The following TUSC3 variants were observed in gnomAD, a reference collection of about 807,000 sequenced individuals.
TUSC3 encodes the protein dolichyl-diphosphooligosaccharide--protein glycosyltransferase subunit TUSC3.
In TUSC3, 45 loss-of-function variants were observed where a neutral mutation model predicts 44.8. The observed-to-expected ratio is 1.00, with a 90% confidence interval of 0.79 to 1.29. The LOEUF (loss-of-function observed/expected upper bound fraction) is 1.29. Among genes scored for constraint, TUSC3 ranks in the 50% most tolerant of loss-of-function variants. TUSC3 has a pLI of 0.00. For synonymous variants in TUSC3, 212 were observed against 152.9 expected (o/e 1.39, Z -2.85); for missense variants, 519 against 437.9 (o/e 1.19, Z -1.65).
At chr8:15,671,856 A>G (rs113576295) in intron 5 of TUSC3, among the ~76,000 whole-genome samples, 9 of 152,018 alleles carry the variant, frequency 5.9e-5, no homozygotes, top group African/African-American at 2.2e-4. Context: ...TTTTTATGTC[A>G]GGGGACATGT....
At chr8:15,808,376 C>G in the TUSC3 span, among the ~76,000 whole-genome samples, 1 of 152,022 alleles carries the variant, frequency 6.6e-6, no homozygotes, top group African/African-American at 2.4e-5. Context: ...TAAAATGATA[C>G]ATTTACTTAT....
At chr8:15,727,671 C>T (rs1388619200) in intron 6 of TUSC3, among the ~76,000 whole-genome samples, 1 of 152,126 alleles carries the variant, frequency 6.6e-6, no homozygotes, top group Non-Finnish European at 1.5e-5. Flanking sequence ...ACTAAGTTCA[C>T]TTGTGAAAAG....
At chr8:15,528,524 C>G (rs1236424346) in intron 2 of TUSC3, among the ~76,000 whole-genome samples, 1 of 152,174 alleles carries the variant, frequency 6.6e-6, no homozygotes, top group Non-Finnish European at 1.5e-5. Context: ...GTGAAGTATT[C>G]TGCAGCAAAC....
chr8:15,556,435 G>A (rs997957609), intron 1 of TUSC3, among the ~76,000 whole-genome samples: 1 of 151,330 alleles, frequency 6.6e-6, no homozygotes, highest in African/African-American at 2.4e-5. Context: ...CCAAGTCTTT[G>A]CTGTTGTGAA....
upstream of TUSC3, among the ~76,000 whole-genome samples, chr8:15,537,916 T>C (rs1177009111): frequency 2.0e-5 from 3 of 152,358 alleles, no homozygotes; most frequent in Non-Finnish European, 2.9e-5. Context: ...GCTATTTTTA[T>C]GTCTCAAGGA....
At chr8:15,658,693 C>G (rs1349652812) in intron 3 of TUSC3, among the ~76,000 whole-genome samples, 1 of 150,760 alleles carries the variant, frequency 6.6e-6, no homozygotes, top group South Asian at 2.1e-4. Flanking sequence ...AATATATATA[C>G]ACATACAATA....
intron 1 of TUSC3, among the ~76,000 whole-genome samples, chr8:15,584,085 A>AT (rs1435463347): frequency 7.2e-5 from 11 of 152,212 alleles, no homozygotes; most frequent in Non-Finnish European, 1.3e-4. Flanking sequence ...CTGTTTTAAT[A>AT]TTTCTGTGGG....
chr8:15,419,440 G>T (rs559745304), intron 1 of TUSC3, among the ~76,000 whole-genome samples: 1 of 152,164 alleles, frequency 6.6e-6, no homozygotes, highest in South Asian at 2.1e-4. Context: ...TCTTTGAGGC[G>T]CCAGCAATCA....
At chr8:15,733,345 C>G in intron 7 of TUSC3, 1 of 381,628 alleles carries the variant, frequency 2.6e-6, no homozygotes, top group Non-Finnish European at 5.0e-6. Flanking sequence ...ATTATAGCTT[C>G]TTTTTGTTTT....
In TUSC3 at chr8:15,644,680, T is replaced by C. The variant is rs550832262; in HGVS notation, c.309-6017T>C. 1.4e-4 allele frequency among the ~76,000 whole-genome samples: 21 copies of C among 152,200 alleles called. No homozygotes were observed. In the South Asian group the frequency reaches 4.1e-3, roughly 30 times the overall value. ...GTAAGTATGCATAGGGTCTTTGTTA[T>C]TGGGGCACATTTTTTTTTTCTAATG... On this transcript the variant is annotated intron_variant, in intron 2 of 10. Transcript: ENST00000503731.
At chr8:15,662,817 CAG>C (rs775344136) in intron 5 of TUSC3, among the ~76,000 whole-genome samples, 5 of 151,838 alleles carry the variant, frequency 3.3e-5, no homozygotes, top group Non-Finnish European at 1.5e-5. Flanking sequence ...CAGTAAGTAA[CAG>C]AGTATTACAG....
chr8:15,477,140 C>G (rs917837162), intron 1 of TUSC3, among the ~76,000 whole-genome samples: 6 of 152,096 alleles, frequency 3.9e-5, no homozygotes, highest in African/African-American at 1.4e-4. Context: ...TGGGGAGTTT[C>G]TTTTGATTTA....
At chr8:15,506,012 T>C (rs1002405559) in intron 2 of TUSC3, among the ~76,000 whole-genome samples, 1 of 152,214 alleles carries the variant, frequency 6.6e-6, no homozygotes, top group Non-Finnish European at 1.5e-5. Context: ...CACAGCACCC[T>C]GGTGTGCTAG....
intron 1 of TUSC3, among the ~76,000 whole-genome samples, chr8:15,562,996 C>A (rs563518675): frequency 1.3e-5 from 2 of 151,864 alleles, no homozygotes; most frequent in African/African-American, 2.4e-5. Flanking sequence ...TGTCCATGCC[C>A]AGGGGAGGCA....
chr8:15,549,360 G>A (rs1245771676), intron 1 of TUSC3, among the ~76,000 whole-genome samples: 4 of 151,452 alleles, frequency 2.6e-5, no homozygotes, highest in African/African-American at 9.7e-5. Flanking sequence ...TTTTAGTAGA[G>A]GCTGGGTTTC....
At chr8:15,457,071 A>G (rs1374576136) in intron 1 of TUSC3, among the ~76,000 whole-genome samples, 1 of 151,822 alleles carries the variant, frequency 6.6e-6, no homozygotes, top group Non-Finnish European at 1.5e-5. Context: ...GCAAGGATAA[A>G]AAACCAAACA....
At chr8:15,829,943 C>G in the TUSC3 span, among the ~76,000 whole-genome samples, 1 of 152,062 alleles carries the variant, frequency 6.6e-6, no homozygotes, top group Non-Finnish European at 1.5e-5. Flanking sequence ...TCTCTGCACA[C>G]TCAACCAATA....
intron 1 of TUSC3, among the ~76,000 whole-genome samples, chr8:15,544,973 T>C (rs1021976252): frequency 6.6e-6 from 1 of 151,846 alleles, no homozygotes; most frequent in African/African-American, 2.4e-5. Flanking sequence ...TAGTTTATTA[T>C]AGCAATAGAA....
chr8:15,465,135 C>T (rs1472430047), intron 1 of TUSC3, among the ~76,000 whole-genome samples: 2 of 152,228 alleles, frequency 1.3e-5, no homozygotes. Context: ...GCATGAGCCA[C>T]TGTGCCTGGT....
Sources: allele counts gnomAD v4.1 joint callset (sites outside exome capture counted in the v4.1 genomes callset), GRCh38; gene constraint gnomAD v4.1.1; transcripts MANE v1.5; gene names NCBI Gene and HGNC (gene_info 2026-07-23, HGNC 2026-07-21).